The following ARSB variants were observed in gnomAD, a reference collection of about 807,000 sequenced individuals.
The protein encoded by ARSB is arylsulfatase B.
Under a neutral mutation model 50.9 loss-of-function variants are expected in ARSB, and 41 were observed. The observed-to-expected ratio is 0.81, with a 90% CI of 0.63 to 1.04. The LOEUF (loss-of-function observed/expected upper bound fraction) is 1.04, where lower values mean the gene tolerates loss of function less well. Among genes scored for constraint, ARSB ranks in the 50% least tolerant of loss-of-function variants. ARSB has a pLI of 0.00. For synonymous variants in ARSB, 269 were observed against 284.8 expected (o/e 0.94, Z 0.56); for missense variants, 672 against 693.3 (o/e 0.97, Z 0.35).
chr5:78,848,771 G>A (rs1745587615), intron 5 of ARSB, among the ~76,000 whole-genome samples: 2 of 152,214 alleles, frequency 1.3e-5, no homozygotes, highest in Non-Finnish European at 2.9e-5. Context: ...TCTAACTGGT[G>A]TGAGACGGTA....
intron 6 of ARSB, among the ~76,000 whole-genome samples, chr5:78,793,151 T>C (rs1014997501): frequency 6.6e-6 from 1 of 152,182 alleles, no homozygotes; most frequent in Non-Finnish European, 1.5e-5. Flanking sequence ...GCAGCATCTG[T>C]TGCACTTATG....
Position 78,885,799 on chromosome 5 carries a change from A to G in ARSB, c.927T>C (p.Gly309=), listed in dbSNP as rs1580000696. 1 of 1,613,892 alleles carries G rather than the reference A, an allele frequency of 6.2e-7. No homozygotes were observed. The highest frequency in any genetic ancestry group is 8.5e-7 in the Non-Finnish European group (1 of 1,180,004). ...TDNGGQTLAG[G]NNWPLRGRKW... ...TTCTTCCTCGAAGGGGCCAGTTATT[A>G]CCCCCTGCCAAAGTCTGCCCTCCGT... is the stretch of plus-strand genomic sequence containing the variant. Residue 309 remains glycine (G), a synonymous_variant, in exon 5 of 8, where the codon GGT becomes GGC. Transcript: ENST00000264914.
intron 6 of ARSB, among the ~76,000 whole-genome samples, chr5:78,797,986 T>G (rs916862057): frequency 1.3e-5 from 2 of 152,078 alleles, no homozygotes; most frequent in Non-Finnish European, 2.9e-5. Flanking sequence ...GGGGAAATAC[T>G]CCATGGAGAA....
chr5:78,871,272 A>T (rs1361822613), intron 5 of ARSB, among the ~76,000 whole-genome samples: 1 of 152,178 alleles, frequency 6.6e-6, no homozygotes, highest in Non-Finnish European at 1.5e-5. Context: ...TGCCAACCCC[A>T]TCAAGCTACC....
chr5:78,911,547 C>G (rs1015082075), intron 4 of ARSB, among the ~76,000 whole-genome samples: 5 of 125,810 alleles, frequency 4.0e-5, no homozygotes, highest in Non-Finnish European at 1.6e-5. Context: ...GCACTCCAGC[C>G]TGGGGAACAG....
Position 78,908,764 on chromosome 5 carries a change from C to T in ARSB, c.899-22937G>A, listed in dbSNP as rs1364703808. Among the ~76,000 whole-genome samples the T allele has an allele frequency of 3.4e-5, 5 of 148,866 alleles. No individual in the cohort carries two copies. The South Asian group carries it at 6.4e-4, about 19-fold the overall frequency. ...TTTTTTTTTGACATGCATGCATCCA[C>T]GCTGGCTTTATCCTGACTTATGAAT... On this transcript the variant is annotated intron_variant, in intron 4 of 7. Transcript: ENST00000264914.
chr5:78,922,226 A>G (rs986732460), intron 4 of ARSB, among the ~76,000 whole-genome samples: 1 of 151,528 alleles, frequency 6.6e-6, no homozygotes, highest in African/African-American at 2.4e-5. Context: ...GGGGCACGTG[A>G]CCTACTGAGA....
intron 6 of ARSB, among the ~76,000 whole-genome samples, chr5:78,834,607 G>GTGTGTGTA (rs1185355030): frequency 5.6e-4 from 48 of 85,642 alleles, no homozygotes; most frequent in East Asian, 1.2e-3. Context: ...ATATATATGT[G>GTGTGTGTA]TATATATATA....
intron 5 of ARSB, among the ~76,000 whole-genome samples, chr5:78,860,939 A>G (rs1212609194): frequency 3.9e-5 from 6 of 152,324 alleles, no homozygotes; most frequent in African/African-American, 1.4e-4. Context: ...TATCAGCACC[A>G]ATCCCACAGA....
rs73124627 is a variant in ARSB, at chr5:78,856,275, A to C, written c.1143-16849T>G. Reference sequence around the variant, plus strand: ...GTTATAGAGGTCACCATATGTGATTACATGTTCTAAATTCTTGATTTTGTT... The same window carrying C: ...GTTATAGAGGTCACCATATGTGATTCCATGTTCTAAATTCTTGATTTTGTT... On this transcript the variant is annotated intron_variant, in intron 5 of 7. Transcript: ENST00000264914. Among the ~76,000 whole-genome samples the C allele has an allele frequency of 7.5e-3, 1,135 of 152,332 alleles. 17 individuals carry two copies. The highest frequency in any genetic ancestry group is 0.026 in the African/African-American group (1,089 of 41,576).
chr5:78,825,521 C>G (rs1344592777), intron 6 of ARSB, among the ~76,000 whole-genome samples: 1 of 152,108 alleles, frequency 6.6e-6, no homozygotes, highest in Non-Finnish European at 1.5e-5. Context: ...TTTTTTAAAA[C>G]ATTAGTTGTT....
At chr5:78,937,805 C>T (rs1750705799) in intron 4 of ARSB, among the ~76,000 whole-genome samples, 1 of 151,984 alleles carries the variant, frequency 6.6e-6, no homozygotes, top group South Asian at 2.1e-4. Context: ...AACACAGACA[C>T]AATCTAGGTT....
At chr5:78,857,130 A>G (rs902213656) in intron 5 of ARSB, among the ~76,000 whole-genome samples, 4 of 152,260 alleles carry the variant, frequency 2.6e-5, no homozygotes, top group African/African-American at 4.8e-5. Flanking sequence ...CACAGACACA[A>G]GAATAATATG....
At chr5:78,893,350 T>C (rs1200579307) in intron 4 of ARSB, among the ~76,000 whole-genome samples, 2 of 152,078 alleles carry the variant, frequency 1.3e-5, no homozygotes, top group East Asian at 1.9e-4. Context: ...CCAAAAGATG[T>C]GGAGATTTAA....
In ARSB at chr5:78,778,497, A is replaced by AG. The variant is rs886060784; in HGVS notation, c.*1899dup. 26 of 152,346 alleles carry AG rather than the reference A, an allele frequency of 1.7e-4. No individual in the cohort carries two copies. The highest frequency in any genetic ancestry group is 5.0e-4 in the African/African-American group (21 of 41,588). 9.4% of individuals were successfully genotyped at this position (152,346 alleles called of 1,614,324 possible). A position where few individuals can be genotyped will look rare whatever the true frequency, so the allele number is the denominator to read the frequency against. On this transcript the variant is annotated 3_prime_UTR_variant, in exon 8 of 8. Transcript: ENST00000264914. ...TTGCTGACAAGAGAGTACCTTTGGT[A>AG]GGCACAGTTCCTTTTCTCCCCCCAC...
chr5:78,808,850 G>A lies in ARSB; in HGVS notation c.1214-26876C>T, dbSNP rs778183958. ...GGCCCCCTGGGCTCCCTCTGCTCGG[G>A]TCAACGATGTGTGACTTTTTGCTGG... On this transcript the variant is annotated intron_variant, in intron 6 of 7. Transcript: ENST00000264914. Among the ~76,000 whole-genome samples the A allele has an allele frequency of 8.5e-5, 13 of 152,306 alleles. No homozygotes were observed. In the East Asian group the frequency reaches 1.5e-3, roughly 18 times the overall value.
chr5:78,803,765 G>C (rs1055042130), intron 6 of ARSB, among the ~76,000 whole-genome samples: 1 of 152,216 alleles, frequency 6.6e-6, no homozygotes, highest in Non-Finnish European at 1.5e-5. Context: ...TTCCCCCATG[G>C]GATATAGTAA....
intron 5 of ARSB, among the ~76,000 whole-genome samples, chr5:78,866,972 G>C (rs1188558829): frequency 6.6e-6 from 1 of 152,232 alleles, no homozygotes; most frequent in Non-Finnish European, 1.5e-5. Context: ...CACCGTGCGC[G>C]AGCCAAAGCA....
At chr5:78,820,063 C>T (rs1744152557) in intron 6 of ARSB, among the ~76,000 whole-genome samples, 1 of 152,186 alleles carries the variant, frequency 6.6e-6, no homozygotes, top group Non-Finnish European at 1.5e-5. Context: ...GAAGAGAGTT[C>T]TTCCCTTTTC....
Sources: gnomAD v4.1 joint callset for allele counts (sites outside exome capture counted in the v4.1 genomes callset) on GRCh38, gnomAD v4.1.1 for gene constraint, MANE v1.5 for transcripts, NCBI Gene and HGNC (gene_info 2026-07-23, HGNC 2026-07-21) for gene names.